Variants in DAPK1 observed in about 807,000 individuals in gnomAD.
DAPK1 encodes death associated protein kinase 1, also known as death-associated protein kinase 1.
In DAPK1, 56 loss-of-function variants were observed where a neutral mutation model predicts 144.9. The ratio of observed to expected loss-of-function variants is 0.39; its 90% confidence interval spans 0.31 to 0.48. The LOEUF is 0.48. Among genes scored for constraint, DAPK1 ranks in the 20% least tolerant of loss-of-function variants. The pLI is 0.95. For synonymous variants in DAPK1, 690 were observed against 749.0 expected (o/e 0.92, Z 1.29); for missense variants, 1,454 against 1,875.4 (o/e 0.78, Z 4.15).
intron 2 of DAPK1, among the ~76,000 whole-genome samples, chr9:87,520,839 C>A (rs1459451752): frequency 6.6e-6 from 1 of 152,138 alleles, no homozygotes. Flanking sequence ...TATATCTATA[C>A]ATGTACTGAT....
intron 14 of DAPK1, 169 bp from the exon 15 acceptor site, chr9:87,648,612 A>C: frequency 5.0e-6 from 3 of 605,234 alleles, no homozygotes; most frequent in Non-Finnish European, 8.9e-6. Flanking sequence ...GGACACCCCA[A>C]CCTCAGGTCC....
At chr9:87,513,161 G>A (rs541394505) in intron 2 of DAPK1, among the ~76,000 whole-genome samples, 2 of 152,298 alleles carry the variant, frequency 1.3e-5, no homozygotes, top group South Asian at 4.1e-4. Context: ...GCTGTTAAAC[G>A]AAACTGTCAT....
At chr9:87,638,709 T>G (rs942833030) in intron 4 of DAPK1, among the ~76,000 whole-genome samples, 1 of 152,182 alleles carries the variant, frequency 6.6e-6, no homozygotes. Context: ...TCCGAGTAGT[T>G]GATTCAGACC....
chr9:87,600,548 G>T (rs778356418), intron 2 of DAPK1, among the ~76,000 whole-genome samples: 6 of 152,122 alleles, frequency 3.9e-5, no homozygotes, highest in Non-Finnish European at 7.4e-5. Context: ...AGCTGTGATT[G>T]CATCACCACA....
chr9:87,557,926 G>A (rs1285633632), intron 2 of DAPK1, among the ~76,000 whole-genome samples: 1 of 152,004 alleles, frequency 6.6e-6, no homozygotes, highest in African/African-American at 2.4e-5. Context: ...GGGTGACAGA[G>A]TGAGACTCCG....
chr9:87,606,435 A>C (rs1828716163), intron 3 of DAPK1, among the ~76,000 whole-genome samples: 1 of 151,944 alleles, frequency 6.6e-6, no homozygotes, highest in Non-Finnish European at 1.5e-5. Context: ...AGATGACATT[A>C]ATATGCTCCC....
chr9:87,526,516 A>G (rs764564242), intron 2 of DAPK1, among the ~76,000 whole-genome samples: 2 of 152,200 alleles, frequency 1.3e-5, no homozygotes, highest in African/African-American at 2.4e-5. Flanking sequence ...TTTCTGTTGT[A>G]TGAATATGCT....
chr9:87,540,733 C>T (rs1455399910), intron 2 of DAPK1, among the ~76,000 whole-genome samples: 1 of 152,110 alleles, frequency 6.6e-6, no homozygotes, highest in African/African-American at 2.4e-5. Flanking sequence ...TCAGTGTGAC[C>T]ACAGTAAATA....
intron 3 of DAPK1, among the ~76,000 whole-genome samples, chr9:87,623,579 A>G (rs1829384103): frequency 6.6e-6 from 1 of 152,146 alleles, no homozygotes; most frequent in Admixed American, 6.5e-5. Context: ...CTGGAATAAA[A>G]TTGCCTGTTA....
Position 87,497,905 on chromosome 9 carries a change from G to T in DAPK1, c.-311G>T, listed in dbSNP as rs1475480292. 2 of 394,854 alleles carry T rather than the reference G, an allele frequency of 5.1e-6. No individual in the cohort carries two copies. The highest frequency in any genetic ancestry group is 8.9e-6 in the Non-Finnish European group (2 of 224,188). The allele number at this position is 394,854 out of a possible 1,614,324, so 24.5% of individuals were successfully genotyped here. A position where few individuals can be genotyped will look rare whatever the true frequency, so the allele number is the denominator to read the frequency against. On this transcript the variant is annotated 5_prime_UTR_variant, in exon 1 of 26. Transcript: ENST00000408954. The stretch of plus-strand genomic sequence containing the variant: ...AGGAGGACAGCCGGACCGAGCCAAC[G>T]CCGGGGACTTTGTTCCCTCCGCGGA...
chr9:87,659,864 G>C (rs966889709), intron 18 of DAPK1, among the ~76,000 whole-genome samples: 6 of 152,210 alleles, frequency 3.9e-5, no homozygotes, highest in Non-Finnish European at 7.3e-5. Context: ...GGCACAGTGA[G>C]AGCGGGGAGT....
intron 2 of DAPK1, among the ~76,000 whole-genome samples, chr9:87,500,115 G>A (rs1486030179): frequency 6.6e-6 from 1 of 152,018 alleles, no homozygotes; most frequent in Admixed American, 6.6e-5. Flanking sequence ...TCCATGAAAA[G>A]GAAATTAAAA....
intron 21 of DAPK1, among the ~76,000 whole-genome samples, chr9:87,694,455 C>T (rs1825186378): frequency 6.6e-6 from 1 of 152,192 alleles, no homozygotes; most frequent in Non-Finnish European, 1.5e-5. Context: ...CATGTGATCC[C>T]CAGCCTCTGG....
chr9:87,588,682 G>T (rs1828019781), intron 2 of DAPK1, among the ~76,000 whole-genome samples: 1 of 152,122 alleles, frequency 6.6e-6, no homozygotes. Context: ...TCCAAATAGA[G>T]ACTAGAGAAG....
chr9:87,608,527 A>G (rs932350325), intron 3 of DAPK1, among the ~76,000 whole-genome samples: 3 of 152,184 alleles, frequency 2.0e-5, no homozygotes, highest in African/African-American at 7.2e-5. Flanking sequence ...TAGTAAATGT[A>G]TGTTCAACTT....
chr9:87,510,494 T>G (rs970659496), intron 2 of DAPK1, among the ~76,000 whole-genome samples: 1 of 152,206 alleles, frequency 6.6e-6, no homozygotes, highest in Non-Finnish European at 1.5e-5. Context: ...AGGCTACTCC[T>G]CCAGGAAGGC....
At position 87,686,679 on chromosome 9, in the gene DAPK1, C is replaced by A; in HGVS notation, c.2353C>A (p.His785Asn). 6.2e-7 allele frequency: 1 copy of A among 1,613,248 alleles called. No individual in the cohort carries two copies. The highest frequency in any genetic ancestry group is 8.5e-7 in the Non-Finnish European group (1 of 1,179,240). Residue 785 changes from histidine (H) to asparagine (N), a missense_variant, in exon 21 of 26, where the codon CAC becomes AAC. Transcript: ENST00000408954. This position sits in a 1 kb window ranked among gnomAD's most constrained non-coding sequence, Gnocchi z 4.2. ...GTTTGTGGCCCCGACCCACCACCCG[C>A]ACTGCTCGGCCGATGACCAGTCCAC... ...EVFVAPTHHP[H>N]CSADDQSTKA...
At position 87,520,233 on chromosome 9, in the gene DAPK1, T is replaced by C. The variant is rs200694313; in HGVS notation, c.62+21094T>C. 3.9e-5 allele frequency among the ~76,000 whole-genome samples: 6 copies of C among 152,146 alleles called. No individual in the cohort carries two copies. In the East Asian group the frequency reaches 7.7e-4, roughly 20 times the overall value. On this transcript the variant is annotated intron_variant, in intron 2 of 25. Coordinates refer to ENST00000408954, the MANE Select transcript of DAPK1 (RefSeq NM_004938.4). ...GGAGAAGAAGCAGAGGGTTCCAGAA[T>C]TGTGTAAACGGATTGATGGAAAAAT...
At chr9:87,537,695 C>T (rs888046895) in intron 2 of DAPK1, among the ~76,000 whole-genome samples, 3 of 151,998 alleles carry the variant, frequency 2.0e-5, no homozygotes, top group South Asian at 2.1e-4. Flanking sequence ...AGAATGCCAG[C>T]GAGGATGCAT....
Sources: gnomAD v4.1 joint callset for allele counts (sites outside exome capture counted in the v4.1 genomes callset) on GRCh38, gnomAD v4.1.1 for gene constraint, Gnocchi (gnomAD v3.1) non-coding constraint, MANE v1.5 for transcripts, NCBI Gene and HGNC (gene_info 2026-07-23, HGNC 2026-07-21) for gene names.